PODXL: variants seen among roughly 807,000 people sequenced by gnomAD.
PODXL encodes the protein podocalyxin.
In PODXL, 20 loss-of-function variants were observed where a neutral mutation model predicts 48.9. That is an observed-to-expected ratio of 0.41 (90% CI 0.29 to 0.59). The LOEUF (loss-of-function observed/expected upper bound fraction) is 0.59, where lower values mean the gene tolerates loss of function less well. Ranked by LOEUF, PODXL falls within the 20% of genes least tolerant of loss-of-function variation. PODXL has a pLI of 0.31. For missense variants in PODXL, 606 were observed against 675.1 expected, an observed-to-expected ratio of 0.90 and a Z score of 1.13; for synonymous variants, 295 against 287.4, an observed-to-expected ratio of 1.03 and a Z score of -0.27.
intron 1 of PODXL, among the ~76,000 whole-genome samples, chr7:131,526,912 T>C (rs945133707): frequency 2.0e-5 from 3 of 151,962 alleles, no homozygotes; most frequent in Non-Finnish European, 4.4e-5. Context: ...CTAATTTTTG[T>C]ATTTTTAGTA....
intron 6 of PODXL, 84 bp from the exon 7 acceptor site, chr7:131,506,405 C>G (rs1797803508): frequency 6.7e-7 from 1 of 1,489,598 alleles, no homozygotes; most frequent in African/African-American, 1.4e-5. Flanking sequence ...GAGAGGGACG[C>G]ACCGTATCTC....
At chr7:131,512,437 T>C (rs1270018934) in intron 1 of PODXL, among the ~76,000 whole-genome samples, 1 of 151,908 alleles carries the variant, frequency 6.6e-6, no homozygotes, top group Non-Finnish European at 1.5e-5. Flanking sequence ...TCTGCGATGA[T>C]GGTTAAGCTA....
intron 5 of PODXL, chr7:131,507,006 A>C (rs1797820179): frequency 2.5e-6 from 1 of 392,964 alleles, no homozygotes; most frequent in Non-Finnish European, 4.6e-6. Context: ...CTTTCACCCT[A>C]GTGCCTCTTT....
intron 1 of PODXL, among the ~76,000 whole-genome samples, chr7:131,535,689 C>A (rs1475248463): frequency 6.6e-6 from 1 of 152,220 alleles, no homozygotes; most frequent in Non-Finnish European, 1.5e-5. Context: ...GAAAACTTTA[C>A]TGACAAATAC....
chr7:131,522,062 G>A (rs988847197), intron 1 of PODXL, among the ~76,000 whole-genome samples: 14 of 152,232 alleles, frequency 9.2e-5, no homozygotes, highest in African/African-American at 3.1e-4. Flanking sequence ...GCACCCTCAA[G>A]CTCAGCTTCC....
chr7:131,549,155 TG>T (rs928489501), intron 1 of PODXL, among the ~76,000 whole-genome samples: 1 of 151,612 alleles, frequency 6.6e-6, no homozygotes, highest in Non-Finnish European at 1.5e-5. Flanking sequence ...AAGAGTGTGC[TG>T]GGGGGGAGGG....
chr7:131,521,667 C>T (rs1421126526), intron 1 of PODXL, among the ~76,000 whole-genome samples: 2 of 152,166 alleles, frequency 1.3e-5, no homozygotes, highest in Non-Finnish European at 2.9e-5. Flanking sequence ...TTTCTAAAAG[C>T]TGTGTATGGG....
At chr7:131,525,237 T>C (rs1441750525) in intron 1 of PODXL, among the ~76,000 whole-genome samples, 1 of 152,028 alleles carries the variant, frequency 6.6e-6, no homozygotes, top group Non-Finnish European at 1.5e-5. Context: ...TCATCTCAGA[T>C]GTCCAGGAAA....
In PODXL at chr7:131,549,816, C is replaced by T. The variant is rs143685611; in HGVS notation, c.100+6444G>A. On this transcript the variant is annotated intron_variant, in intron 1 of 8. Coordinates refer to ENST00000378555, the MANE Select transcript of PODXL (RefSeq NM_001018111.3). ...AGGTGCCACCCTACACCCTGGTCCT[C>T]GGAAGTGTGAGGTGGCTTATTCCCA... 3.9e-4 allele frequency among the ~76,000 whole-genome samples: 59 copies of T among 152,164 alleles called. 1 individual carries two copies. The South Asian group carries it at 4.6e-3, about 12-fold the overall frequency.
At chr7:131,555,744 A>T (rs1021207443) in intron 1 of PODXL, among the ~76,000 whole-genome samples, 8 of 151,990 alleles carry the variant, frequency 5.3e-5, no homozygotes, top group African/African-American at 1.7e-4. Flanking sequence ...CTTAGAAAAA[A>T]CCTCTGCAAA....
chr7:131,549,274 G>C (rs1390007754), intron 1 of PODXL, among the ~76,000 whole-genome samples: 1 of 152,172 alleles, frequency 6.6e-6, no homozygotes, highest in African/African-American at 2.4e-5. Flanking sequence ...AGAAGAGCTG[G>C]TTGTATGATC....
chr7:131,542,765 C>T (rs1014994510), intron 1 of PODXL, among the ~76,000 whole-genome samples: 14 of 152,164 alleles, frequency 9.2e-5, no homozygotes, highest in African/African-American at 2.7e-4. Context: ...TTGGATTTCT[C>T]GTCTGGAAAG....
intron 5 of PODXL, among the ~76,000 whole-genome samples, chr7:131,508,538 T>TA (rs1401873700): frequency 1.1e-4 from 17 of 152,020 alleles, no homozygotes; most frequent in African/African-American, 3.9e-4. Flanking sequence ...ATTACAGGTG[T>TA]AAGCCACCAC....
intron 5 of PODXL, among the ~76,000 whole-genome samples, chr7:131,508,273 C>G (rs1028150178): frequency 6.6e-6 from 1 of 152,190 alleles, no homozygotes; most frequent in Non-Finnish European, 1.5e-5. Flanking sequence ...GGGCCCTTTT[C>G]TCTCCCACCC....
At chr7:131,522,065 C>T (rs1798100769) in intron 1 of PODXL, among the ~76,000 whole-genome samples, 1 of 152,242 alleles carries the variant, frequency 6.6e-6, no homozygotes, top group South Asian at 2.1e-4. Context: ...CCCTCAAGCT[C>T]AGCTTCCCAG....
chr7:131,523,170 T>A (rs1798115508), intron 1 of PODXL, among the ~76,000 whole-genome samples: 1 of 152,220 alleles, frequency 6.6e-6, no homozygotes, highest in South Asian at 2.1e-4. Flanking sequence ...GAATCCAATT[T>A]TTCCAGATCC....
chr7:131,518,286 T>G lies in PODXL; in HGVS notation c.101-6853A>C, dbSNP rs555947239. ...CAGGAGTCTTTCAAACATTCGAAAT[T>G]AACTCTGTCTGCTTTAAAGAGAAAG... is the stretch of plus-strand genomic sequence containing the variant. On this transcript the variant is annotated intron_variant, in intron 1 of 8. Coordinates refer to ENST00000378555, the MANE Select transcript of PODXL (RefSeq NM_001018111.3). 2.0e-5 allele frequency among the ~76,000 whole-genome samples: 3 copies of G among 152,312 alleles called. No individual in the cohort carries two copies. The East Asian group carries it at 5.8e-4, about 29-fold the overall frequency.
chr7:131,512,981 CAA>C (rs1797938468), intron 1 of PODXL, among the ~76,000 whole-genome samples: 1 of 107,944 alleles, frequency 9.3e-6, no homozygotes, highest in Non-Finnish European at 1.7e-5. Flanking sequence ...GGCGACTGAG[CAA>C]GACTCCGTCT....
intron 1 of PODXL, among the ~76,000 whole-genome samples, chr7:131,523,565 T>C (rs911741124): frequency 2.1e-4 from 32 of 149,024 alleles, no homozygotes; most frequent in East Asian, 2.1e-4. Context: ...ACCTGTAATC[T>C]CAGCTACTTG....
Sources: gnomAD v4.1 joint callset for allele counts (sites outside exome capture counted in the v4.1 genomes callset) on GRCh38, gnomAD v4.1.1 for gene constraint, MANE v1.5 for transcripts, NCBI Gene and HGNC (gene_info 2026-07-23, HGNC 2026-07-21) for gene names.